NXPH1: variants seen among roughly 807,000 people sequenced by gnomAD.
NXPH1 encodes neurexophilin 1, also known as neurexophilin-1.
NXPH1 carries 5 observed loss-of-function variants against 23.7 expected under a neutral mutation model. The ratio of observed to expected loss-of-function variants is 0.21; its 90% CI spans 0.11 to 0.44. The LOEUF is 0.44. Among genes scored for constraint, NXPH1 ranks in the 20% least tolerant of loss-of-function variants. The probability of loss-of-function intolerance (pLI) is 0.99; values close to 1 mark genes in which losing one functional copy is unlikely to be tolerated. For missense variants in NXPH1, 324 were observed against 321.6 expected (o/e 1.01, Z -0.06); for synonymous variants, 144 against 122.2 (o/e 1.18, Z -1.18).
chr7:8,751,948 T>G lies in NXPH1; in HGVS notation c.*179T>G, dbSNP rs764623572. The stretch of plus-strand genomic sequence containing the variant: ...TGATGTAATTTCTGCCCAGTCAGCT[T>G]CATCCCTCAGTATAATTGTAAATCA... On this transcript the variant is annotated 3_prime_UTR_variant, in exon 3 of 3. Coordinates refer to ENST00000405863, the MANE Select transcript of NXPH1 (RefSeq NM_152745.3). The surrounding 1 kb of genome is among the most constrained non-coding windows in gnomAD (Gnocchi z 4.5). 1.1e-4 allele frequency: 63 copies of G among 599,408 alleles called. No individual in the cohort carries two copies. Among genetic ancestry groups the G allele is most frequent in the Non-Finnish European group, 1.5e-4 (52 of 345,896 alleles). 37.1% of individuals were successfully genotyped at this position (599,408 alleles called of 1,614,324 possible).
At chr7:8,692,810 GA>G (rs1478349943) in intron 2 of NXPH1, among the ~76,000 whole-genome samples, 2 of 152,154 alleles carry the variant, frequency 1.3e-5, no homozygotes, top group Non-Finnish European at 2.9e-5. Context: ...AAGCATGATA[GA>G]AAGGGATGCT....
At chr7:8,672,094 T>A (rs1820877593) in intron 2 of NXPH1, among the ~76,000 whole-genome samples, 1 of 152,204 alleles carries the variant, frequency 6.6e-6, no homozygotes, top group South Asian at 2.1e-4. Flanking sequence ...GTAGAAGCTC[T>A]TTAGTTTAAT....
chr7:8,714,197 C>G (rs995131386), intron 2 of NXPH1, among the ~76,000 whole-genome samples: 2 of 152,076 alleles, frequency 1.3e-5, no homozygotes, highest in African/African-American at 4.8e-5. Context: ...GGGAGAGGAG[C>G]CTCTTCCTGT....
intron 2 of NXPH1, among the ~76,000 whole-genome samples, chr7:8,667,796 C>T (rs1820797016): frequency 6.6e-6 from 1 of 151,998 alleles, no homozygotes; most frequent in African/African-American, 2.4e-5. Flanking sequence ...CTCTCTTCTT[C>T]TTCTTGAACT....
At chr7:8,684,300 A>G (rs1442393415) in intron 2 of NXPH1, among the ~76,000 whole-genome samples, 1 of 152,174 alleles carries the variant, frequency 6.6e-6, no homozygotes, top group Non-Finnish European at 1.5e-5. Flanking sequence ...TCCTCACACC[A>G]GAGCTTATTT....
intron 2 of NXPH1, among the ~76,000 whole-genome samples, chr7:8,449,298 C>G (rs1816462927): frequency 1.3e-5 from 2 of 152,174 alleles, no homozygotes; most frequent in South Asian, 4.1e-4. Flanking sequence ...CAAGGCATTG[C>G]CCTGGGTATC....
At chr7:8,449,861 T>A (rs1414987783) in intron 2 of NXPH1, among the ~76,000 whole-genome samples, 2 of 152,258 alleles carry the variant, frequency 1.3e-5, no homozygotes, top group African/African-American at 4.8e-5. Flanking sequence ...TTTTATTAGA[T>A]GCAGTTTTTA....
At chr7:8,708,548 G>C (rs1025245431) in intron 2 of NXPH1, among the ~76,000 whole-genome samples, 8 of 151,728 alleles carry the variant, frequency 5.3e-5, no homozygotes, top group Non-Finnish European at 1.0e-4. Flanking sequence ...TTTTAGTAGA[G>C]ATGGGGTTTC....
chr7:8,644,912 T>C (rs1221280523), intron 2 of NXPH1, among the ~76,000 whole-genome samples: 1 of 152,206 alleles, frequency 6.6e-6, no homozygotes, highest in East Asian at 1.9e-4. Context: ...TAGTTTTGCA[T>C]ATTTTGTACT....
At chr7:8,729,824 G>A (rs993724899) in intron 2 of NXPH1, among the ~76,000 whole-genome samples, 6 of 151,900 alleles carry the variant, frequency 3.9e-5, no homozygotes, top group Non-Finnish European at 5.9e-5. Flanking sequence ...CTGTTGATTT[G>A]GGGTGGAGAG....
rs1446573640 is a variant in NXPH1, at chr7:8,514,959, C to T, written c.54+79192C>T. On this transcript the variant is annotated intron_variant, in intron 2 of 2. Transcript: ENST00000405863. ...TGGCCCATATGTCTTCTGTCCCACA[C>T]AGAGGCAGCTGCATACTTAGTGCCT... 2.6e-5 allele frequency among the ~76,000 whole-genome samples: 4 copies of T among 152,072 alleles called. No homozygotes were observed. The East Asian group carries it at 7.7e-4, about 29-fold the overall frequency.
rs996765008 is a variant in NXPH1, at chr7:8,751,381, A to C, written c.428A>C (p.Asp143Ala). 14 of 1,613,924 alleles carry C rather than the reference A, an allele frequency of 8.7e-6. No individual in the cohort carries two copies. The highest frequency in any genetic ancestry group is 1.2e-5 in the Non-Finnish European group (14 of 1,179,854). Residue 143 changes from aspartate to alanine, a missense_variant, in exon 3 of 3, where the codon GAT (aspartate) becomes GCT (alanine). By Grantham distance (126) the Asp-to-Ala change is moderately radical. Coordinates refer to ENST00000405863, the MANE Select transcript of NXPH1 (RefSeq NM_152745.3). This position sits in a 1 kb window ranked among gnomAD's most constrained non-coding sequence, Gnocchi z 4.5. ...CTGTTGATAACTGGGAAAATTGTAGATCATGGCAATGGGACATTTAGTGTT... is the reference window on the plus strand; with the variant it reads ...CTGTTGATAACTGGGAAAATTGTAGCTCATGGCAATGGGACATTTAGTGTT... ...LNLLITGKIV[D>A]HGNGTFSVYF...
intron 2 of NXPH1, among the ~76,000 whole-genome samples, chr7:8,584,949 G>A (rs548210330): frequency 2.0e-5 from 3 of 152,210 alleles, no homozygotes; most frequent in Admixed American, 6.5e-5. Context: ...CAGGACTATC[G>A]ATATCTCTTT....
chr7:8,449,324 C>T (rs985053830), intron 2 of NXPH1, among the ~76,000 whole-genome samples: 1 of 152,180 alleles, frequency 6.6e-6, no homozygotes. Context: ...AAAGTTCCTA[C>T]ACAAAAACAC....
chr7:8,702,539 G>C (rs1036082328), intron 2 of NXPH1, among the ~76,000 whole-genome samples: 3 of 151,928 alleles, frequency 2.0e-5, no homozygotes, highest in African/African-American at 7.3e-5. Context: ...TACATAGACT[G>C]GTTGGATGGG....
At chr7:8,716,198 TACCTAAAAATTTCAC>T (rs770171999) in intron 2 of NXPH1, among the ~76,000 whole-genome samples, 3 of 152,170 alleles carry the variant, frequency 2.0e-5, no homozygotes, top group Non-Finnish European at 4.4e-5. Flanking sequence ...ATAAATTTCA[TACCTAAAAATTTCAC>T]ATCTTACTCT....
rs769269159 is a variant in NXPH1, at chr7:8,552,109, A to C, written c.54+116342A>C. Among the ~76,000 whole-genome samples the C allele has an allele frequency of 4.1e-3, 599 of 147,510 alleles. 2 individuals are homozygous for C. Among genetic ancestry groups the C allele is most frequent in the Middle Eastern group, 6.9e-3 (2 of 290 alleles). The stretch of plus-strand genomic sequence containing the variant: ...CTTAACTCCAATTGTCTGCAGAAAA[A>C]AAACCAAAAAAAAAAAAAAAAAAAA... On this transcript the variant is annotated intron_variant, in intron 2 of 2. Coordinates refer to ENST00000405863, the MANE Select transcript of NXPH1 (RefSeq NM_152745.3).
intron 2 of NXPH1, among the ~76,000 whole-genome samples, chr7:8,737,812 T>G (rs773932511): frequency 9.9e-5 from 15 of 152,242 alleles, no homozygotes; most frequent in Non-Finnish European, 1.6e-4. Flanking sequence ...CACATATTTC[T>G]TGGAGGCTTT....
At chr7:8,641,476 TTAAACATTTATCA>T (rs1054241439) in intron 2 of NXPH1, among the ~76,000 whole-genome samples, 1 of 152,236 alleles carries the variant, frequency 6.6e-6, no homozygotes, top group Admixed American at 6.5e-5. Context: ...AGAGCAAATT[TTAAACATTTATCA>T]GCCTAACACT....
Sources: allele counts gnomAD v4.1 joint callset (sites outside exome capture counted in the v4.1 genomes callset), GRCh38; gene constraint gnomAD v4.1.1; non-coding constraint Gnocchi (gnomAD v3.1); transcripts MANE v1.5; gene names NCBI Gene and HGNC (gene_info 2026-07-23, HGNC 2026-07-21).